ESR2: variants seen among roughly 807,000 people sequenced by gnomAD.
ESR2 encodes estrogen receptor beta.
A neutral mutation model predicts 49.6 loss-of-function variants in ESR2; 36 were observed. The ratio of observed to expected loss-of-function variants is 0.73; its 90% CI spans 0.56 to 0.96. The LOEUF is 0.96. ESR2 is among the 40% of genes least tolerant of loss of function. The pLI is 0.00. For synonymous variants in ESR2, 320 were observed against 266.1 expected (o/e 1.20, Z -1.97); for missense variants, 714 against 693.0 (o/e 1.03, Z -0.34).
At chr14:64,256,861 A>T (rs1016750237) in intron 6 of ESR2, among the ~76,000 whole-genome samples, 7 of 152,250 alleles carry the variant, frequency 4.6e-5, no homozygotes, top group African/African-American at 1.7e-4. Flanking sequence ...ATAATTGGTC[A>T]CTATAGGTAC....
intron 4 of ESR2, among the ~76,000 whole-genome samples, chr14:64,261,378 T>G (rs1002980087): frequency 1.6e-4 from 25 of 151,536 alleles, no homozygotes; most frequent in African/African-American, 6.1e-4. Context: ...GCTAGGACTA[T>G]GGGTGCCTGC....
At chr14:64,248,681 G>A (rs561660180) in intron 7 of ESR2, among the ~76,000 whole-genome samples, 3 of 151,872 alleles carry the variant, frequency 2.0e-5, no homozygotes, top group South Asian at 4.2e-4. Context: ...CCAACAAAAC[G>A]AAACCATCTG....
At chr14:64,243,694 C>T (rs1339933889) in intron 7 of ESR2, among the ~76,000 whole-genome samples, 2 of 152,138 alleles carry the variant, frequency 1.3e-5, no homozygotes, top group African/African-American at 2.4e-5. Context: ...TGAGAAGTGC[C>T]CAATACCCAG....
chr14:64,334,940 G>T (rs1055781164), intron 1 of ESR2, among the ~76,000 whole-genome samples: 84 of 152,298 alleles, frequency 5.5e-4, no homozygotes, highest in African/African-American at 1.8e-3. Context: ...GAGCTACCAC[G>T]CCCAGCCTGT....
intron 1 of ESR2, among the ~76,000 whole-genome samples, chr14:64,313,308 G>C (rs544940923): frequency 1.9e-4 from 29 of 152,244 alleles, no homozygotes; most frequent in Non-Finnish European, 3.1e-4. Flanking sequence ...CAAGGCGGGT[G>C]TATCACCTGA....
chr14:64,337,513 T>C (rs922330788), intron 1 of ESR2: 13 of 152,172 alleles, frequency 8.5e-5, no homozygotes, highest in Non-Finnish European at 1.6e-4. Flanking sequence ...AATATCCGCT[T>C]GTGCAAACTT....
At chr14:64,323,722 T>C (rs2140898135) in intron 1 of ESR2, among the ~76,000 whole-genome samples, 1 of 152,162 alleles carries the variant, frequency 6.6e-6, no homozygotes, top group East Asian at 1.9e-4. Context: ...GATGGAGTCT[T>C]GCTCTGTCGC....
chr14:64,233,603 AAAGTC>A (rs1365639571), intron 8 of ESR2: 5 of 392,854 alleles, frequency 1.3e-5, no homozygotes, highest in African/African-American at 2.0e-5. Flanking sequence ...TATGTTCCGT[AAAGTC>A]ACTGTGAACA....
intron 1 of ESR2, among the ~76,000 whole-genome samples, chr14:64,326,719 G>T (rs1042875329): frequency 6.6e-6 from 1 of 152,092 alleles, no homozygotes; most frequent in African/African-American, 2.4e-5. Flanking sequence ...AGCAGGAATT[G>T]CCCCATACCA....
Position 64,260,467 on chromosome 14 carries a change from A to T in ESR2, c.934T>A (p.Trp312Arg). 6.6e-7 allele frequency: 1 copy of T among 1,524,296 alleles called. No homozygotes were observed. The highest frequency in any genetic ancestry group is 8.8e-7 in the Non-Finnish European group (1 of 1,137,140). The allele number at this position is 1,524,296 out of a possible 1,614,324, so 94.4% of individuals were successfully genotyped here. ...ADKELVHMIS[W>R]AKKIPGFVEL... ...GCCCTACCGGGAATCTTCTTGGCCC[A>T]GCTGATCATGTGTACCAACTCCTTG... is the stretch of plus-strand genomic sequence containing the variant. Residue 312 changes from tryptophan (W) to arginine (R), a missense_variant, in exon 5 of 9, where the codon TGG becomes AGG. Coordinates refer to ENST00000341099, the MANE Select transcript of ESR2 (RefSeq NM_001437.3).
chr14:64,239,937 G>C (rs1398155266), intron 7 of ESR2, among the ~76,000 whole-genome samples: 4 of 152,144 alleles, frequency 2.6e-5, no homozygotes, highest in Admixed American at 6.5e-5. Flanking sequence ...TTAACTATTT[G>C]AGTATATATC....
At chr14:64,241,101 G>C (rs1017374757) in intron 7 of ESR2, among the ~76,000 whole-genome samples, 43 of 136,988 alleles carry the variant, frequency 3.1e-4, no homozygotes, top group Non-Finnish European at 2.4e-4. Flanking sequence ...AGCCGAGATT[G>C]CGCCACTGCA....
In ESR2 at chr14:64,249,710, C is replaced by T. The variant is rs779192167; in HGVS notation, c.1092-31G>A. 1.1e-5 allele frequency: 18 copies of T among 1,588,142 alleles called. No homozygotes were observed. The South Asian group carries it at 1.4e-4, about 12-fold the overall frequency. ...AAAGTTCGTTTGGAAATTTAAGGAA[C>T]ATAGCTTCAGGAAACCATCAAAAAA... is the stretch of plus-strand genomic sequence containing the variant. On this transcript the variant is annotated intron_variant, in intron 6 of 8. Transcript: ENST00000341099.
chr14:64,245,509 C>T (rs956615880), intron 7 of ESR2, among the ~76,000 whole-genome samples: 4 of 65,462 alleles, frequency 6.1e-5, no homozygotes, highest in Non-Finnish European at 1.1e-4. Context: ...AAGACTCTGT[C>T]AAAAAAAAAA....
intron 2 of ESR2, 33 bp from the exon 3 acceptor site, chr14:64,280,186 G>A: frequency 6.5e-7 from 1 of 1,542,276 alleles, no homozygotes; most frequent in East Asian, 2.3e-5. Context: ...ATTGAACAGA[G>A]CATAAAAGGG....
At chr14:64,235,888 T>C (rs2075587299) in intron 7 of ESR2, among the ~76,000 whole-genome samples, 1 of 152,320 alleles carries the variant, frequency 6.6e-6, no homozygotes, top group East Asian at 1.9e-4. Flanking sequence ...TGAGATACTG[T>C]GGCATCCCAA....
chr14:64,315,801 C>G (rs562291486), intron 1 of ESR2, among the ~76,000 whole-genome samples: 1 of 151,968 alleles, frequency 6.6e-6, no homozygotes, highest in Non-Finnish European at 1.5e-5. Context: ...ACTACAGGTG[C>G]GTGCCACCAC....
intron 1 of ESR2, among the ~76,000 whole-genome samples, chr14:64,286,280 T>G (rs758341962): frequency 2.0e-5 from 3 of 152,156 alleles, no homozygotes; most frequent in Non-Finnish European, 4.4e-5. Context: ...CTATATGTAA[T>G]TAATAATGAG....
intron 1 of ESR2, among the ~76,000 whole-genome samples, chr14:64,300,428 A>C (rs149728414): frequency 7.2e-4 from 110 of 152,236 alleles, no homozygotes; most frequent in African/African-American, 2.5e-3. Flanking sequence ...TCAAGGGAGA[A>C]AATTCTTAAC....
Sources: allele counts gnomAD v4.1 joint callset (sites outside exome capture counted in the v4.1 genomes callset), GRCh38; gene constraint gnomAD v4.1.1; transcripts MANE v1.5; gene names NCBI Gene and HGNC (gene_info 2026-07-23, HGNC 2026-07-21).